Variants in KCTD8 observed in about 807,000 individuals in gnomAD.
KCTD8 encodes the protein BTB/POZ domain-containing protein KCTD8.
KCTD8 carries 27 observed loss-of-function variants against 31.5 expected under a neutral mutation model. That is an observed-to-expected ratio of 0.86 (90% CI 0.63 to 1.18). The LOEUF is 1.18. Ranked by LOEUF, KCTD8 falls within the 50% of genes most tolerant of loss-of-function variation. The pLI is 0.00. For missense variants in KCTD8, 658 were observed against 647.7 expected (o/e 1.02, Z -0.17); for synonymous variants, 290 against 280.0 (o/e 1.04, Z -0.36).
At chr4:44,268,841 A>G (rs1489596146) in intron 1 of KCTD8, among the ~76,000 whole-genome samples, 3 of 151,762 alleles carry the variant, frequency 2.0e-5, no homozygotes, top group Non-Finnish European at 4.4e-5. Flanking sequence ...AAGGGATGTG[A>G]AGGACCTCTT....
At chr4:44,424,890 G>A (rs1010636984) in intron 1 of KCTD8, among the ~76,000 whole-genome samples, 87 of 151,978 alleles carry the variant, frequency 5.7e-4, no homozygotes, top group African/African-American at 2.1e-3. Context: ...TCATCTTGAA[G>A]TTCTAATCCT....
At chr4:44,278,778 C>A (rs771331883) in intron 1 of KCTD8, among the ~76,000 whole-genome samples, 4 of 152,044 alleles carry the variant, frequency 2.6e-5, no homozygotes, top group Non-Finnish European at 4.4e-5. Context: ...TCTGACCTCT[C>A]AACCATGACT....
At chr4:44,279,901 T>A (rs1716852373) in intron 1 of KCTD8, among the ~76,000 whole-genome samples, 1 of 152,080 alleles carries the variant, frequency 6.6e-6, no homozygotes, top group Non-Finnish European at 1.5e-5. Context: ...AACTTTTCTA[T>A]TTTGATCTCA....
chr4:44,300,514 T>G (rs1717579752), intron 1 of KCTD8, among the ~76,000 whole-genome samples: 1 of 152,136 alleles, frequency 6.6e-6, no homozygotes, highest in African/African-American at 2.4e-5. Context: ...GAAAACATTT[T>G]CTGTATTGCC....
chr4:44,445,195 G>A (rs1721910212), intron 1 of KCTD8, among the ~76,000 whole-genome samples: 1 of 152,130 alleles, frequency 6.6e-6, no homozygotes, highest in Non-Finnish European at 1.5e-5. Flanking sequence ...TCAAAATAAT[G>A]TGTAAAAATA....
intron 1 of KCTD8, among the ~76,000 whole-genome samples, chr4:44,371,057 G>A (rs892383984): frequency 1.7e-4 from 26 of 151,982 alleles, no homozygotes; most frequent in African/African-American, 6.1e-4. Context: ...GAACCAGGGA[G>A]GCCAATGGTG....
intron 1 of KCTD8, among the ~76,000 whole-genome samples, chr4:44,233,916 A>AT (rs1218259906): frequency 6.6e-6 from 1 of 152,050 alleles, no homozygotes; most frequent in Non-Finnish European, 1.5e-5. Context: ...GATATTGAGT[A>AT]TTTTCTACTA....
At chr4:44,363,333 C>A (rs796343565) in intron 1 of KCTD8, among the ~76,000 whole-genome samples, 6 of 152,180 alleles carry the variant, frequency 3.9e-5, no homozygotes, top group African/African-American at 1.4e-4. Flanking sequence ...AAAAACATAT[C>A]TTTGATGTGT....
At chr4:44,308,335 CTCT>C (rs1396573005) in intron 1 of KCTD8, among the ~76,000 whole-genome samples, 1 of 151,970 alleles carries the variant, frequency 6.6e-6, no homozygotes, top group East Asian at 1.9e-4. Context: ...TTACAATGAA[CTCT>C]TTTTTTTTCC....
At position 44,256,943 on chromosome 4, in the gene KCTD8, G is replaced by T. The variant is rs528778976; in HGVS notation, c.962-81693C>A. On this transcript the variant is annotated intron_variant, in intron 1 of 1. Coordinates refer to ENST00000360029, the MANE Select transcript of KCTD8 (RefSeq NM_198353.3). ...GCAATAGAAAACAAATATCCTCTAT[G>T]ACCTAACAGTTTCTTTTTTCATAAA... 7.2e-5 allele frequency among the ~76,000 whole-genome samples: 11 copies of T among 152,064 alleles called. No homozygotes were observed. In the South Asian group the frequency reaches 1.2e-3, roughly 17 times the overall value.
chr4:44,396,953 A>G (rs1040849935), intron 1 of KCTD8, among the ~76,000 whole-genome samples: 29 of 152,158 alleles, frequency 1.9e-4, no homozygotes, highest in African/African-American at 6.0e-4. Flanking sequence ...ACTTCCAAAA[A>G]TAAGTATCAC....
intron 1 of KCTD8, among the ~76,000 whole-genome samples, chr4:44,288,207 G>A (rs1189200728): frequency 6.6e-6 from 1 of 152,044 alleles, no homozygotes; most frequent in Non-Finnish European, 1.5e-5. Flanking sequence ...ATTAACATTA[G>A]AAGAAGTTGA....
At chr4:44,402,221 A>G (rs144777433) in intron 1 of KCTD8, among the ~76,000 whole-genome samples, 223 of 152,286 alleles carry the variant, frequency 1.5e-3, no homozygotes, top group African/African-American at 5.1e-3. Context: ...TCTTAATTTG[A>G]CTATTAATTT....
chr4:44,304,359 T>G (rs926206975), intron 1 of KCTD8, among the ~76,000 whole-genome samples: 3 of 152,154 alleles, frequency 2.0e-5, no homozygotes, highest in African/African-American at 7.2e-5. Flanking sequence ...AGAATTGAGG[T>G]AAAGTAGATG....
intron 1 of KCTD8, among the ~76,000 whole-genome samples, chr4:44,177,525 T>C (rs1228302812): frequency 1.3e-5 from 2 of 152,006 alleles, no homozygotes; most frequent in African/African-American, 4.8e-5. Flanking sequence ...CAGTGGGAGG[T>C]AATTGAATCA....
chr4:44,293,542 A>G, intron 1 of KCTD8: 1 of 404,960 alleles, frequency 2.5e-6, no homozygotes, highest in Non-Finnish European at 4.8e-6. Context: ...ACACAAAGAA[A>G]TTGAATTTAT....
chr4:44,335,782 A>T (rs1305277798), intron 1 of KCTD8, among the ~76,000 whole-genome samples: 2 of 152,214 alleles, frequency 1.3e-5, no homozygotes, highest in Admixed American at 6.5e-5. Context: ...GATTTTCTAG[A>T]GAGTGCAAAA....
intron 1 of KCTD8, among the ~76,000 whole-genome samples, chr4:44,439,165 T>C (rs908201422): frequency 6.6e-6 from 1 of 152,164 alleles, no homozygotes; most frequent in African/African-American, 2.4e-5. Context: ...CACCTAATTA[T>C]GCCAAATGAT....
chr4:44,263,525 T>C (rs1200804599), intron 1 of KCTD8, among the ~76,000 whole-genome samples: 1 of 152,146 alleles, frequency 6.6e-6, no homozygotes, highest in Non-Finnish European at 1.5e-5. Flanking sequence ...TATTATACAA[T>C]TTAGTATTTT....
Sources: gnomAD v4.1 joint callset for allele counts (sites outside exome capture counted in the v4.1 genomes callset) on GRCh38, gnomAD v4.1.1 for gene constraint, MANE v1.5 for transcripts, NCBI Gene and HGNC (gene_info 2026-07-23, HGNC 2026-07-21) for gene names.